Variants in UBR1 observed in about 807,000 individuals in gnomAD.
The protein encoded by UBR1 is E3 ubiquitin-protein ligase UBR1.
A neutral mutation model predicts 242.1 loss-of-function variants in UBR1; 102 were observed. The ratio of observed to expected loss-of-function variants is 0.42; its 90% confidence interval spans 0.36 to 0.50. UBR1 has a LOEUF of 0.50. Among genes scored for constraint, UBR1 ranks in the 20% least tolerant of loss-of-function variants. The pLI, the probability that UBR1 is intolerant of heterozygous loss-of-function variation, is 0.01. For missense variants in UBR1, 1,772 were observed against 2,101.8 expected, an observed-to-expected ratio of 0.84 and a Z score of 3.07; for synonymous variants, 675 against 684.8, an observed-to-expected ratio of 0.99 and a Z score of 0.22.
chr15:43,034,843 CG>C (rs1212956993), intron 19 of UBR1, among the ~76,000 whole-genome samples: 2 of 149,204 alleles, frequency 1.3e-5, no homozygotes, highest in African/African-American at 4.9e-5. Context: ...GCCGAGATCG[CG>C]CCATTGCACT....
In UBR1 at chr15:43,075,031, G is replaced by A; in HGVS notation, c.476C>T (p.Thr159Ile). The A allele has an allele frequency of 6.2e-7, 1 of 1,614,080 alleles. No homozygotes were observed. The highest frequency in any genetic ancestry group is 8.5e-7 in the Non-Finnish European group (1 of 1,179,994). The change falls in exon 4 of 47, where the codon ACT (threonine) becomes ATT (isoleucine). Residue 159 changes from threonine to isoleucine, a missense_variant. By Grantham distance (89) the Thr-to-Ile change is moderately conservative. Around this residue, in one of 3 missense-constraint regions of UBR1, gnomAD observed 734 missense variants for 893.3 expected, o/e 0.82. Transcript: ENST00000290650. ...CDCGDTEAWK[T>I]GPFCVNHEPG... ...TTCATGATTTACACAAAAAGGGCCA[G>A]TTTTCCATGCCTCTGTGTCTCCACA...
intron 28 of UBR1, 143 bp from the exon 29 acceptor site, chr15:43,016,012 T>G (rs2033018664): frequency 4.2e-6 from 3 of 707,506 alleles, no homozygotes; most frequent in African/African-American, 1.8e-5. Flanking sequence ...TGTTTCAAAA[T>G]TAGCATTACA....
rs893667221 is a variant in UBR1 at position 42,943,260 on chromosome 15, T to C, written c.*2069A>G. 1.3e-5 allele frequency: 2 copies of C among 152,664 alleles called. No individual in the cohort carries two copies. The highest frequency in any genetic ancestry group is 4.8e-5 in the African/African-American group (2 of 41,452). 9.5% of individuals were successfully genotyped at this position (152,664 alleles called of 1,614,324 possible). On this transcript the variant is annotated 3_prime_UTR_variant, in exon 47 of 47. Coordinates refer to ENST00000290650, the MANE Select transcript of UBR1 (RefSeq NM_174916.3). ...AAAACACAGTTCTGGAGCCATCCTGTTGAACCAGTGCCTTCACATACTACA... is the reference window on the plus strand; with the variant it reads ...AAAACACAGTTCTGGAGCCATCCTGCTGAACCAGTGCCTTCACATACTACA...
chr15:42,964,489 A>G (rs1398846134), intron 41 of UBR1, among the ~76,000 whole-genome samples: 1 of 151,932 alleles, frequency 6.6e-6, no homozygotes, highest in Non-Finnish European at 1.5e-5. Context: ...CAAAAAACAA[A>G]CAAACAAACA....
intron 10 of UBR1, among the ~76,000 whole-genome samples, chr15:43,056,753 C>T (rs1256038140): frequency 6.6e-6 from 1 of 152,094 alleles, no homozygotes; most frequent in Admixed American, 6.6e-5. Context: ...ATAGTTTATC[C>T]TTTCTCCAAA....
At chr15:43,007,687 T>C (rs529826295) in intron 29 of UBR1, among the ~76,000 whole-genome samples, 86 of 152,282 alleles carry the variant, frequency 5.6e-4, no homozygotes, top group African/African-American at 2.0e-3. Flanking sequence ...ACCTTGTATA[T>C]TTCCTTCTAG....
intron 3 of UBR1, among the ~76,000 whole-genome samples, chr15:43,076,909 C>T (rs2033910403): frequency 2.0e-5 from 2 of 98,894 alleles, no homozygotes; most frequent in African/African-American, 7.2e-5. Context: ...GTGGGGGGGT[C>T]AGCCCCCCGC....
chr15:42,952,319 A>G lies in UBR1; in HGVS notation c.4965T>C (p.Phe1655=). ...CTCCGGCTCCACAGTGAAGTGCGTG[A>G]AAAATGCAAGCTCCAACCTCTTCCC... The part of the protein sequence containing the change: ...VNGEEVGACI[F]HALHCGAGVC... Residue 1655 remains phenylalanine (F), a synonymous_variant, in exon 45 of 47, where the codon TTT becomes TTC. Transcript: ENST00000290650. 3 of 1,614,200 alleles carry G rather than the reference A, an allele frequency of 1.9e-6. No homozygotes were observed. Among genetic ancestry groups the G allele is most frequent in the Non-Finnish European group, 2.5e-6 (3 of 1,180,036 alleles).
In UBR1 at chr15:42,952,409, G is replaced by C. The variant is rs1016299797; in HGVS notation, c.4875C>G (p.Val1625=). ...GTATAGCCCCACAGAAAAGGCAGAG[G>C]ACAGGATGCTTTCGCTCATCATCTG... ...RSADDERKHP[V]LCLFCGAILC... is the part of the protein sequence containing the mutation. The change falls in exon 45 of 47, where the codon GTC becomes GTG. Residue 1625 remains valine (V), a synonymous_variant. Coordinates refer to ENST00000290650, the MANE Select transcript of UBR1 (RefSeq NM_174916.3). The C allele has an allele frequency of 6.2e-7, 1 of 1,614,218 alleles. No individual in the cohort carries two copies. Among genetic ancestry groups the C allele is most frequent in the African/African-American group, 1.3e-5 (1 of 75,064 alleles).
intron 1 of UBR1, among the ~76,000 whole-genome samples, chr15:43,099,251 T>A (rs1207823900): frequency 6.6e-6 from 1 of 151,932 alleles, no homozygotes; most frequent in Non-Finnish European, 1.5e-5. Flanking sequence ...GCAAGAGAAT[T>A]GCTTGAACCC....
At chr15:42,984,068 TAAAA>T in intron 36 of UBR1, 75 bp from the exon 37 acceptor site, 21 of 1,158,448 alleles carry the variant, frequency 1.8e-5, no homozygotes, top group Middle Eastern at 1.9e-4. Flanking sequence ...TAAGAGTTGG[TAAAA>T]ACCAACTCTA....
At chr15:42,989,008 G>A in intron 34 of UBR1, 41 bp from the exon 35 acceptor site, 1 of 1,527,842 alleles carries the variant, frequency 6.5e-7, no homozygotes, top group South Asian at 1.1e-5. Context: ...TTAGTAAAAG[G>A]AGCTACTTAG....
chr15:43,096,363 T>G (rs2034161219), intron 1 of UBR1, among the ~76,000 whole-genome samples: 1 of 152,138 alleles, frequency 6.6e-6, no homozygotes, highest in African/African-American at 2.4e-5. Flanking sequence ...GGTTTCACCA[T>G]GTTGGTCAGG....
At position 43,003,879 on chromosome 15, in the gene UBR1, G is replaced by T; in HGVS notation, c.3467C>A (p.Thr1156Lys). Residue 1156 changes from threonine (T) to lysine (K), a missense_variant, in exon 31 of 47, where the codon ACA becomes AAA. Physicochemically the swap from Thr to Lys is moderately conservative, Grantham distance 78. Around this residue, in one of 3 missense-constraint regions of UBR1, gnomAD observed 965 missense variants for 1,079.7 expected, o/e 0.89. Coordinates refer to ENST00000290650, the MANE Select transcript of UBR1 (RefSeq NM_174916.3). ...GTGCATTACATGACCACAGCTTCCT[G>T]TATAAGTTCCATATGCCAAGTCTGG... ...MDPDLAYGTY[T>K]GSCGHVMHAV... 6.2e-7 allele frequency: 1 copy of T among 1,614,090 alleles called. No individual in the cohort carries two copies. Among genetic ancestry groups the T allele is most frequent in the Non-Finnish European group, 8.5e-7 (1 of 1,180,008 alleles).
At position 42,966,231 on chromosome 15, in the gene UBR1, T is replaced by C. The variant is rs1460339092; in HGVS notation, c.4513A>G (p.Ile1505Val). ...GCAGCACAGCGAAGATAAGGGGTGA[T>C]GCCATTCTTCAGTGAGACCCACAAA... is the stretch of plus-strand genomic sequence containing the variant. ...WYLWVSLKNG[I>V]TPYLRCAALF... is the part of the protein sequence containing the mutation. The change falls in exon 41 of 47, where the codon ATC (isoleucine) becomes GTC (valine). Residue 1505 changes from isoleucine (I) to valine (V), a missense_variant. Ile to Val is a conservative substitution (Grantham distance 29, BLOSUM62 3). Coordinates refer to ENST00000290650, the MANE Select transcript of UBR1 (RefSeq NM_174916.3). 1 of 1,614,136 alleles carries C rather than the reference T, an allele frequency of 6.2e-7. No individual in the cohort carries two copies. Among genetic ancestry groups the C allele is most frequent in the Non-Finnish European group, 8.5e-7 (1 of 1,180,028 alleles).
chr15:43,017,005 T>C (rs2033034451), intron 28 of UBR1, 90 bp downstream of exon 28: 4 of 974,734 alleles, frequency 4.1e-6, no homozygotes, highest in Non-Finnish European at 6.5e-6. Context: ...AGGTTTCTCC[T>C]AACAAAAAAG....
At chr15:43,096,617 A>G (rs1006774947) in intron 1 of UBR1, among the ~76,000 whole-genome samples, 15 of 152,212 alleles carry the variant, frequency 9.9e-5, no homozygotes, top group Non-Finnish European at 1.8e-4. Context: ...TGCTTTATCA[A>G]CTATGTTTAT....
intron 1 of UBR1, among the ~76,000 whole-genome samples, chr15:43,091,698 G>A (rs1220570745): frequency 4.6e-5 from 7 of 151,796 alleles, no homozygotes; most frequent in African/African-American, 7.3e-5. Context: ...ATGGGAGGCC[G>A]AGGTGGGTGG....
At chr15:42,974,729 C>G (rs1446776674) in intron 39 of UBR1, among the ~76,000 whole-genome samples, 2 of 152,202 alleles carry the variant, frequency 1.3e-5, no homozygotes, top group African/African-American at 4.8e-5. Flanking sequence ...ACACATCAGC[C>G]TCCCAAACGG....
Sources: allele counts gnomAD v4.1 joint callset (sites outside exome capture counted in the v4.1 genomes callset), GRCh38; gene constraint gnomAD v4.1.1; regional missense constraint gnomAD v4.1.1; transcripts MANE v1.5; gene names NCBI Gene and HGNC (gene_info 2026-07-23, HGNC 2026-07-21).